Variants in DTL observed in about 807,000 individuals in gnomAD.
The protein encoded by DTL is denticleless E3 ubiquitin protein ligase adapter, also known as denticleless protein homolog.
DTL carries 46 observed loss-of-function variants against 87.0 expected under a neutral mutation model. That is an observed-to-expected ratio of 0.53 (90% CI 0.42 to 0.68). DTL has a LOEUF of 0.68. DTL is among the 30% of genes least tolerant of loss of function. The probability of loss-of-function intolerance (pLI) is 0.00; values close to 1 mark genes in which losing one functional copy is unlikely to be tolerated. For synonymous variants in DTL, 308 were observed against 311.2 expected (o/e 0.99, Z 0.11); for missense variants, 737 against 869.4 (o/e 0.85, Z 1.91).
intron 13 of DTL, 30 bp downstream of exon 13, chr1:212,080,780 T>C: frequency 6.2e-7 from 1 of 1,610,790 alleles, no homozygotes; most frequent in Non-Finnish European, 8.5e-7. Context: ...TCCAAGTTTT[T>C]TATGGTTTGA....
intron 13 of DTL, among the ~76,000 whole-genome samples, chr1:212,095,937 A>G (rs1489201493): frequency 6.6e-6 from 1 of 152,170 alleles, no homozygotes; most frequent in East Asian, 1.9e-4. Context: ...TGGTTTCAGT[A>G]AGATTGGTAC....
At chr1:212,079,088 T>C (rs1229082896) in intron 12 of DTL, among the ~76,000 whole-genome samples, 1 of 152,160 alleles carries the variant, frequency 6.6e-6, no homozygotes. Context: ...CCCTGCTAGC[T>C]TCCAGTATTG....
intron 12 of DTL, 41 bp downstream of exon 12, chr1:212,078,303 C>A: frequency 8.1e-7 from 1 of 1,232,530 alleles, no homozygotes; most frequent in Non-Finnish European, 1.2e-6. Flanking sequence ...AAATGTAGAT[C>A]ACAGGTTTGT....
Position 212,066,905 on chromosome 1 carries a change from T to C in DTL, c.713+20T>C. The C allele has an allele frequency of 6.3e-7, 1 of 1,596,000 alleles. No homozygotes were observed. On this transcript the variant is annotated intron_variant, in intron 8 of 14. Transcript: ENST00000366991. Reference sequence around the variant, plus strand: ...GGATGGGTAAGAGTCTATTTCTTTTTTCTTCCGACGAGATCTTTTTTATGA... The same window carrying C: ...GGATGGGTAAGAGTCTATTTCTTTTCTCTTCCGACGAGATCTTTTTTATGA...
intron 5 of DTL, among the ~76,000 whole-genome samples, chr1:212,050,291 T>G (rs955146822): frequency 4.6e-5 from 7 of 152,188 alleles, no homozygotes; most frequent in Non-Finnish European, 7.3e-5. Flanking sequence ...GTCCAGTTCC[T>G]TCCACCCTAC....
chr1:212,055,507 C>T (rs978475441), intron 5 of DTL, among the ~76,000 whole-genome samples: 5 of 152,174 alleles, frequency 3.3e-5, no homozygotes, highest in African/African-American at 4.8e-5. Context: ...CCACACACAG[C>T]GACCTCATTC....
At chr1:212,091,719 T>C (rs1389992039) in intron 13 of DTL, among the ~76,000 whole-genome samples, 1 of 152,200 alleles carries the variant, frequency 6.6e-6, no homozygotes, top group Non-Finnish European at 1.5e-5. Flanking sequence ...ATCTCACTTG[T>C]GGAATCTTAA....
intron 14 of DTL, among the ~76,000 whole-genome samples, chr1:212,101,683 T>C (rs189736967): frequency 6.6e-6 from 1 of 152,356 alleles, no homozygotes; most frequent in African/African-American, 2.4e-5. Flanking sequence ...AGTAATACTT[T>C]TGACACCTAT....
chr1:212,097,392 T>A (rs1447947220), intron 13 of DTL, among the ~76,000 whole-genome samples: 2 of 152,184 alleles, frequency 1.3e-5, no homozygotes, highest in African/African-American at 4.8e-5. Context: ...GATGTCTAGA[T>A]CTCGAGCAAG....
intron 13 of DTL, among the ~76,000 whole-genome samples, chr1:212,087,707 T>C (rs1211479850): frequency 6.6e-6 from 1 of 152,212 alleles, no homozygotes; most frequent in African/African-American, 2.4e-5. Flanking sequence ...GCTGGCACAC[T>C]GACCATTCGA....
rs1477542129 is a variant in DTL at position 212,104,576 on chromosome 1, TG to T, written c.*1641del. The stretch of plus-strand genomic sequence containing the variant: ...TTATCTCACTTGCTTTGAAAGCCAA[TG>T]GGGGAAAAAAATCCATGAAAAAAAA... On this transcript the variant is annotated 3_prime_UTR_variant, in exon 15 of 15. Transcript: ENST00000366991. 1 of 151,694 alleles carries T rather than the reference TG, an allele frequency of 6.6e-6. No individual in the cohort carries two copies. Among genetic ancestry groups the T allele is most frequent in the African/African-American group, 2.4e-5 (1 of 41,234 alleles). The allele number at this position is 151,694 out of a possible 1,614,324, so 9.4% of individuals were successfully genotyped here.
intron 5 of DTL, among the ~76,000 whole-genome samples, chr1:212,060,498 G>A (rs1022362068): frequency 6.6e-5 from 10 of 152,126 alleles, no homozygotes; most frequent in African/African-American, 2.4e-4. Context: ...CACTTTGGGA[G>A]GCCAAGGCAG....
intron 10 of DTL, among the ~76,000 whole-genome samples, chr1:212,071,700 G>T (rs1654675376): frequency 6.6e-6 from 1 of 152,142 alleles, no homozygotes. Context: ...CAAGAGGCCT[G>T]AAGTCTAAGG....
Position 212,047,433 on chromosome 1 carries a change from T to G in DTL, c.460+16T>G. On this transcript the variant is annotated intron_variant, in intron 5 of 14. Transcript: ENST00000366991. ...TTTGAGAAAGGTAGGTTTGTGCTTATCTTCTTTCATCTCCTTAACCTTCTT... is the reference window on the plus strand; with the variant it reads ...TTTGAGAAAGGTAGGTTTGTGCTTAGCTTCTTTCATCTCCTTAACCTTCTT... 1 of 1,614,118 alleles carries G rather than the reference T, an allele frequency of 6.2e-7. No individual in the cohort carries two copies. The highest frequency in any genetic ancestry group is 2.2e-5 in the East Asian group (1 of 44,884).
intron 5 of DTL, among the ~76,000 whole-genome samples, chr1:212,053,496 ATTTGTTTG>A (rs147463987): frequency 9.4e-4 from 143 of 152,000 alleles, no homozygotes; most frequent in Non-Finnish European, 1.2e-3. Flanking sequence ...GCTGACCTTC[ATTTGTTTG>A]TTTGTTTGTT....
intron 11 of DTL, 45 bp from the exon 12 acceptor site, chr1:212,078,128 A>T (rs777236550): frequency 5.0e-6 from 6 of 1,209,896 alleles, no homozygotes; most frequent in Non-Finnish European, 3.7e-6. Context: ...CTATCTGGGA[A>T]ATCTAATATT....
rs1304088256 is a variant in DTL, at chr1:212,080,696, CTT to C, written c.1209_1210del (p.Ser404HisfsTer22). The C allele has an allele frequency of 6.2e-7, 1 of 1,613,612 alleles. No homozygotes were observed. The highest frequency in any genetic ancestry group is 8.5e-7 in the Non-Finnish European group (1 of 1,179,674). ...AGAGGAGAAACCAGGAGGTGATAAA[CTT>C]TCCACGGTGGGTTGGGCCTCTCAGA... ...GLEEKPGGDK[L>X]STVGWASQKK... On this transcript the variant is annotated frameshift_variant, in exon 13 of 15. Coordinates refer to ENST00000366991, the MANE Select transcript of DTL (RefSeq NM_016448.4). LOFTEE classifies it high-confidence loss of function.
intron 3 of DTL, 89 bp from the exon 4 acceptor site, chr1:212,047,062 T>C: frequency 8.4e-7 from 1 of 1,192,904 alleles, no homozygotes; most frequent in Non-Finnish European, 1.2e-6. Flanking sequence ...TTTTTACTAC[T>C]ACAGCTTTCC....
chr1:212,050,363 A>C (rs546256434), intron 5 of DTL, among the ~76,000 whole-genome samples: 17 of 152,276 alleles, frequency 1.1e-4, no homozygotes, highest in African/African-American at 2.9e-4. Context: ...TGCCTTCCCT[A>C]AGTATCTACC....
Sources: gnomAD v4.1 joint callset for allele counts (sites outside exome capture counted in the v4.1 genomes callset) on GRCh38, gnomAD v4.1.1 for gene constraint, MANE v1.5 for transcripts, NCBI Gene and HGNC (gene_info 2026-07-23, HGNC 2026-07-21) for gene names.